Variants in LRRK2 observed in about 807,000 individuals in gnomAD.
The protein encoded by LRRK2 is leucine-rich repeat serine/threonine-protein kinase 2.
Under a neutral mutation model 302.6 loss-of-function variants are expected in LRRK2, and 203 were observed. The ratio of observed to expected loss-of-function variants is 0.67; its 90% CI spans 0.60 to 0.75. LRRK2 has a LOEUF of 0.75. Ranked by LOEUF, LRRK2 falls within the 30% of genes least tolerant of loss-of-function variation. The pLI is 0.00. For synonymous variants in LRRK2, 1,066 were observed against 1,031.9 expected, an observed-to-expected ratio of 1.03 and a Z score of -0.63; for missense variants, 2,830 against 2,951.0, an observed-to-expected ratio of 0.96 and a Z score of 0.95.
At chr12:40,334,424 C>A (rs897678010) in intron 39 of LRRK2, among the ~76,000 whole-genome samples, 3 of 152,204 alleles carry the variant, frequency 2.0e-5, no homozygotes, top group Non-Finnish European at 2.9e-5. Context: ...CCCCAAAAAA[C>A]TGAACCACTG....
At chr12:40,321,402 T>C (rs1473899713) in intron 35 of LRRK2, among the ~76,000 whole-genome samples, 1 of 151,978 alleles carries the variant, frequency 6.6e-6, no homozygotes, top group Non-Finnish European at 1.5e-5. Context: ...CCTCATCTAA[T>C]TTGTCAGGAA....
chr12:40,285,337 C>T (rs1455736601), intron 19 of LRRK2, among the ~76,000 whole-genome samples: 1 of 151,906 alleles, frequency 6.6e-6, no homozygotes, highest in East Asian at 1.9e-4. Flanking sequence ...CAATTTTGTT[C>T]ATGGTTGTAA....
chr12:40,310,351 C>T lies in LRRK2; in HGVS notation c.4318-80C>T, dbSNP rs151077821. 5.5e-4 allele frequency: 736 copies of T among 1,335,134 alleles called. 5 individuals are homozygous for T. In the African/African-American group the frequency reaches 8.7e-3, roughly 16 times the overall value. The allele number at this position is 1,335,134 out of a possible 1,614,324, so 82.7% of individuals were successfully genotyped here. ...CTCTTTTCCATTCAAGTGAATGTCA[C>T]GGAAAGCAAATATCAACAGGAATGT... On this transcript the variant is annotated intron_variant, in intron 30 of 50. Transcript: ENST00000298910.
At chr12:40,359,486 T>C (rs149472464) in intron 47 of LRRK2, 42 bp downstream of exon 47, 646 of 1,564,926 alleles carry the variant, frequency 4.1e-4, no homozygotes, top group Non-Finnish European at 5.5e-4. Flanking sequence ...ATCATTATAC[T>C]TTTGTTTTTT....
intron 26 of LRRK2, 31 bp downstream of exon 26, chr12:40,302,913 C>A: frequency 7.3e-7 from 1 of 1,368,996 alleles, no homozygotes; most frequent in Non-Finnish European, 1.0e-6. Flanking sequence ...ATTTTAAAAG[C>A]ACATTAGCTG....
rs1946325013 is a variant in LRRK2 at position 40,350,759 on chromosome 12, T to C, written c.6382-780T>C. 2.0e-5 allele frequency among the ~76,000 whole-genome samples: 3 copies of C among 152,310 alleles called. No individual in the cohort carries two copies. The South Asian group carries it at 6.2e-4, about 32-fold the overall frequency. ...TTAGTCACATGAACTTTTATATTTA[T>C]GTCCACAGTAAAAATTTTTCATAGC... On this transcript the variant is annotated intron_variant, in intron 43 of 50. Transcript: ENST00000298910.
Position 40,315,209 on chromosome 12 carries a change from C to T in LRRK2, c.4739-3C>T. 1.2e-6 allele frequency: 2 copies of T among 1,609,748 alleles called. No individual in the cohort carries two copies. The highest frequency in any genetic ancestry group is 1.1e-5 in the South Asian group (1 of 91,010). ...TTCACTGTTTGATGACTTTTTACTA[C>T]AGGAGTCCTTCTTCATTTTCAAGAC... is the stretch of plus-strand genomic sequence containing the variant. On this transcript the variant is annotated splice_polypyrimidine_tract_variant and splice_region_variant and intron_variant, in intron 32 of 50. Coordinates refer to ENST00000298910, the MANE Select transcript of LRRK2 (RefSeq NM_198578.4).
At chr12:40,339,569 A>G (rs983952283) in intron 40 of LRRK2, among the ~76,000 whole-genome samples, 9 of 152,132 alleles carry the variant, frequency 5.9e-5, no homozygotes, top group Admixed American at 6.6e-5. Flanking sequence ...GTTGGACTTT[A>G]ATATTACCCG....
intron 40 of LRRK2, among the ~76,000 whole-genome samples, chr12:40,336,050 C>A (rs2136941343): frequency 6.6e-6 from 1 of 152,258 alleles, no homozygotes; most frequent in Non-Finnish European, 1.5e-5. Context: ...TCATGATAGT[C>A]CCATTCCTCA....
Position 40,299,096 on chromosome 12 carries a change from C to G in LRRK2, c.3348-13C>G. ...TTATGCAATTTAATCATTATCTTGT[C>G]TCTTGTGACTAGAAATAAAATATCA... On this transcript the variant is annotated splice_polypyrimidine_tract_variant and intron_variant, in intron 24 of 50. Transcript: ENST00000298910. 2.5e-6 allele frequency: 4 copies of G among 1,611,086 alleles called. No individual in the cohort carries two copies. The highest frequency in any genetic ancestry group is 3.4e-6 in the Non-Finnish European group (4 of 1,178,464).
chr12:40,364,967 T>C lies in LRRK2; in HGVS notation c.7307T>C (p.Leu2436Pro). Residue 2436 changes from leucine to proline, a missense_variant, in exon 49 of 51, where the codon CTC becomes CCC. Transcript: ENST00000298910. ...WIGTGGGHIL[L>P]LDLSTRRLIR... ...GGAACTGGAGGAGGCCATATTTTAC[T>C]CCTGGATCTTTCAACTCGTCGACTT... 6.2e-7 allele frequency: 1 copy of C among 1,612,698 alleles called. No individual in the cohort carries two copies. Among genetic ancestry groups the C allele is most frequent in the Non-Finnish European group, 8.5e-7 (1 of 1,179,136 alleles).
Position 40,333,441 on chromosome 12 carries a change from T to C in LRRK2, c.5758-1526T>C, listed in dbSNP as rs191857254. Among the ~76,000 whole-genome samples the C allele has an allele frequency of 1.2e-3, 186 of 152,268 alleles. 1 individual carries two copies. Among genetic ancestry groups the C allele is most frequent in the African/African-American group, 4.0e-3 (166 of 41,568 alleles). On this transcript the variant is annotated intron_variant, in intron 39 of 50. Coordinates refer to ENST00000298910, the MANE Select transcript of LRRK2 (RefSeq NM_198578.4). ...AATCAATTTAACATCACACAAGCTA[T>C]ACATTTCAACAGAGTTACAGTTTCA... is the stretch of plus-strand genomic sequence containing the variant.
In LRRK2 at chr12:40,278,226, AATCAAGCAAAGGAGGG is replaced by A; in HGVS notation, c.2210_2225del (p.Gln737LeufsTer3). On this transcript the variant is annotated frameshift_variant, in exon 18 of 51. Transcript: ENST00000298910. LOFTEE classifies it high-confidence loss of function. ...CTTGCTTCTATTGGGAGCAGATGCC[AATCAAGCAAAGGAGGG>A]ATCTTCTTTAATTTGTCAGGTAAAT... 6.2e-7 allele frequency: 1 copy of A among 1,614,180 alleles called. No individual in the cohort carries two copies. Among genetic ancestry groups the A allele is most frequent in the Non-Finnish European group, 8.5e-7 (1 of 1,180,002 alleles).
chr12:40,229,562 G>T (rs981165269), intron 2 of LRRK2, among the ~76,000 whole-genome samples: 2 of 152,154 alleles, frequency 1.3e-5, no homozygotes, highest in African/African-American at 4.8e-5. Context: ...AACCTTTGAA[G>T]AAGGGGAGCA....
chr12:40,326,589 T>C (rs893809049), intron 38 of LRRK2, among the ~76,000 whole-genome samples: 16 of 152,280 alleles, frequency 1.1e-4, no homozygotes, highest in African/African-American at 3.9e-4. Flanking sequence ...TTTTCTTTGT[T>C]GTTGATAGTT....
intron 23 of LRRK2, 79 bp from the exon 24 acceptor site, chr12:40,298,164 G>C (rs921404164): frequency 4.1e-5 from 59 of 1,425,270 alleles, no homozygotes; most frequent in Admixed American, 8.7e-5. Context: ...GTTACCAGAG[G>C]TGTGTAAGGC....
chr12:40,249,784 T>C (rs1273242990), intron 7 of LRRK2, 42 bp from the exon 8 acceptor site: 1 of 1,608,770 alleles, frequency 6.2e-7, no homozygotes, highest in Admixed American at 1.7e-5. Context: ...TAATTTAACT[T>C]CCATGGATGA....
chr12:40,328,384 AC>A lies in LRRK2; in HGVS notation c.5683del (p.Arg1895GlufsTer11). ...GGTGATGGCAGTTTTGGATCAGTTT[AC>A]CGAGCAGCCTATGAAGGAGAAGAAG... is the stretch of plus-strand genomic sequence containing the variant. ...LLGDGSFGSV[Y>X]RAAYEGEEVA... On this transcript the variant is annotated frameshift_variant, in exon 39 of 51. Coordinates refer to ENST00000298910, the MANE Select transcript of LRRK2 (RefSeq NM_198578.4). LOFTEE classifies it high-confidence loss of function. 6.2e-7 allele frequency: 1 copy of A among 1,613,848 alleles called. No individual in the cohort carries two copies. The highest frequency in any genetic ancestry group is 8.5e-7 in the Non-Finnish European group (1 of 1,179,854).
intron 23 of LRRK2, among the ~76,000 whole-genome samples, chr12:40,297,016 C>A (rs1350816726): frequency 6.6e-6 from 1 of 152,138 alleles, no homozygotes; most frequent in Non-Finnish European, 1.5e-5. Context: ...AATTCTCATT[C>A]GGTCATCCAA....
Sources: allele counts gnomAD v4.1 joint callset (sites outside exome capture counted in the v4.1 genomes callset), GRCh38; gene constraint gnomAD v4.1.1; transcripts MANE v1.5; gene names NCBI Gene and HGNC (gene_info 2026-07-23, HGNC 2026-07-21).